The following ACOXL variants were observed in gnomAD, a reference collection of about 807,000 sequenced individuals.
ACOXL encodes acyl-CoA oxidase like.
In ACOXL, 70 loss-of-function variants were observed where a neutral mutation model predicts 71.9. The ratio of observed to expected loss-of-function variants is 0.97; its 90% confidence interval spans 0.80 to 1.19. The LOEUF (loss-of-function observed/expected upper bound fraction) is 1.19. ACOXL is among the 50% of genes most tolerant of loss of function. ACOXL has a pLI of 0.00. For synonymous variants in ACOXL, 253 were observed against 281.6 expected (o/e 0.90, Z 1.02); for missense variants, 703 against 736.3 (o/e 0.95, Z 0.52).
intron 1 of ACOXL, among the ~76,000 whole-genome samples, chr2:110,767,082 T>C (rs1168570775): frequency 6.6e-6 from 1 of 152,172 alleles, no homozygotes; most frequent in African/African-American, 2.4e-5. Flanking sequence ...CTGATGTTTT[T>C]CTGTTGTTGG....
At chr2:110,924,905 A>C in intron 11 of ACOXL, among the ~76,000 whole-genome samples, 1 of 152,156 alleles carries the variant, frequency 6.6e-6, no homozygotes, top group African/African-American at 2.4e-5. Flanking sequence ...TTTAATAAAT[A>C]ATAAGACTTG....
At position 110,963,570 on chromosome 2, in the gene ACOXL, TG is replaced by T. The variant is rs1167485135; in HGVS notation, c.1060-23537del. ...GATGGGATCGCAAATTTGAAATGTG[TG>T]TGTGTGTGTGTGTGTGTGTGTGTGT... On this transcript the variant is annotated intron_variant, in intron 12 of 17. Transcript: ENST00000439055. 1.7e-4 allele frequency: 60 copies of T among 351,608 alleles called. No homozygotes were observed. In the African/African-American group the frequency reaches 2.8e-3, roughly 16 times the overall value. The allele number at this position is 351,608 out of a possible 1,614,324, so 21.8% of individuals were successfully genotyped here.
intron 16 of ACOXL, among the ~76,000 whole-genome samples, chr2:111,066,428 C>T (rs2067075905): frequency 6.6e-6 from 1 of 152,124 alleles, no homozygotes; most frequent in Non-Finnish European, 1.5e-5. Context: ...AAAAGGGCAA[C>T]ATAAGGGACC....
At chr2:110,812,776 C>T (rs113672913) in intron 9 of ACOXL, among the ~76,000 whole-genome samples, 2 of 152,368 alleles carry the variant, frequency 1.3e-5, no homozygotes, top group South Asian at 2.1e-4. Context: ...TTCGATTCCA[C>T]GAAGACGTGT....
At chr2:110,862,141 T>G (rs1421002262) in intron 10 of ACOXL, among the ~76,000 whole-genome samples, 2 of 152,034 alleles carry the variant, frequency 1.3e-5, no homozygotes, top group Non-Finnish European at 2.9e-5. Context: ...ACCTGCTCAC[T>G]GGGCCACTTC....
rs938940032 is a variant in ACOXL, at chr2:110,995,358, G to T, written c.1170-535G>T. On this transcript the variant is annotated intron_variant, in intron 13 of 17. Coordinates refer to ENST00000439055, the MANE Select transcript of ACOXL (RefSeq NM_001142807.4). ...CTACTAAAAATACAAAAATTAGCCA[G>T]GCACAGTGGCATGTGCCTGTAATCC... Among the ~76,000 whole-genome samples, 12 of 151,442 alleles carry T rather than the reference G, an allele frequency of 7.9e-5. No homozygotes were observed. The Middle Eastern group carries it at 0.017, about 218-fold the overall frequency.
intron 2 of ACOXL, among the ~76,000 whole-genome samples, chr2:110,778,258 A>T (rs1265349007): frequency 6.6e-6 from 1 of 152,226 alleles, no homozygotes; most frequent in Non-Finnish European, 1.5e-5. Context: ...CTATAAAAAG[A>T]TGCACAAACC....
At chr2:110,753,422 C>T (rs1321803895) in intron 1 of ACOXL, among the ~76,000 whole-genome samples, 4 of 152,182 alleles carry the variant, frequency 2.6e-5, no homozygotes, top group Non-Finnish European at 5.9e-5. Flanking sequence ...AGTTCCTCTC[C>T]AGGTGGACTA....
intron 2 of ACOXL, among the ~76,000 whole-genome samples, chr2:110,769,144 TATCCAA>T (rs781325399): frequency 2.0e-5 from 3 of 152,078 alleles, no homozygotes; most frequent in Non-Finnish European, 2.9e-5. Flanking sequence ...ACTTTAGACT[TATCCAA>T]AGTTTATGTC....
intron 12 of ACOXL, among the ~76,000 whole-genome samples, chr2:110,943,992 A>C (rs1238383975): frequency 6.6e-6 from 1 of 152,174 alleles, no homozygotes; most frequent in Non-Finnish European, 1.5e-5. Flanking sequence ...AGAAAGATTA[A>C]ATAATTTGCC....
At chr2:110,942,636 A>T (rs1182579517) in intron 12 of ACOXL, among the ~76,000 whole-genome samples, 1 of 152,032 alleles carries the variant, frequency 6.6e-6, no homozygotes, top group Non-Finnish European at 1.5e-5. Context: ...CTGTAATCCC[A>T]GCACTTTGGG....
chr2:110,931,659 A>G (rs2060483786), intron 11 of ACOXL, among the ~76,000 whole-genome samples: 1 of 152,342 alleles, frequency 6.6e-6, no homozygotes, highest in South Asian at 2.1e-4. Context: ...AGTTTTCCCA[A>G]CAACTCTATG....
intron 1 of ACOXL, among the ~76,000 whole-genome samples, chr2:110,739,195 C>T (rs993837643): frequency 1.2e-4 from 19 of 152,186 alleles, no homozygotes; most frequent in African/African-American, 4.3e-4. Context: ...AGGCTGGTTG[C>T]AAATGGCGGG....
At position 111,084,258 on chromosome 2, in the gene ACOXL, TACACACACACACACACACACACAC is replaced by T. The variant is rs61263209; in HGVS notation, c.1441-8579_1441-8556del. On this transcript the variant is annotated intron_variant, in intron 16 of 17. Transcript: ENST00000439055. ...GTCTTACGGACACAGATCTAAGGAA[TACACACACACACACACACACACAC>T]ACACACACACACACACACACACACA... 5.9e-5 allele frequency among the ~76,000 whole-genome samples: 8 copies of T among 135,014 alleles called. No homozygotes were observed. The South Asian group carries it at 8.0e-4, about 14-fold the overall frequency. 88.6% of individuals were successfully genotyped at this position (135,014 alleles called of 152,430 possible).
At chr2:111,011,929 A>G (rs2064188096) in intron 14 of ACOXL, among the ~76,000 whole-genome samples, 1 of 151,762 alleles carries the variant, frequency 6.6e-6, no homozygotes. Flanking sequence ...AGGGATAAAG[A>G]AAGTCATTTT....
At chr2:111,117,425 T>C (rs2150099399) in intron 17 of ACOXL, among the ~76,000 whole-genome samples, 191 bp from the exon 18 acceptor site, 1 of 152,168 alleles carries the variant, frequency 6.6e-6, no homozygotes, top group South Asian at 2.1e-4. Context: ...GGTGTCAGAG[T>C]TGGGAATGTC....
chr2:110,896,064 T>G (rs62159501), intron 10 of ACOXL, among the ~76,000 whole-genome samples: 47,359 of 151,938 alleles, frequency 0.31, 7,736 homozygotes, highest in Middle Eastern at 0.38. Context: ...GGTTCTAAAT[T>G]AATAGAAGAA....
chr2:111,102,461 C>T (rs1053929993), intron 17 of ACOXL, among the ~76,000 whole-genome samples: 8 of 152,292 alleles, frequency 5.3e-5, no homozygotes, highest in Admixed American at 4.6e-4. Context: ...AATTGTTTTG[C>T]TGAGCTCCAG....
chr2:110,784,729 C>T lies in ACOXL; in HGVS notation c.76-3C>T. 6.3e-7 allele frequency: 1 copy of T among 1,596,866 alleles called. No individual in the cohort carries two copies. The highest frequency in any genetic ancestry group is 8.5e-7 in the Non-Finnish European group (1 of 1,173,104). On this transcript the variant is annotated splice_polypyrimidine_tract_variant and splice_region_variant and intron_variant, in intron 2 of 17. Transcript: ENST00000439055. ...CTTGATACTGAGTCTATCATATTTT[C>T]AGGCAGAGAAAACAAAGAATTTTGT...
Sources: gnomAD v4.1 joint callset for allele counts (sites outside exome capture counted in the v4.1 genomes callset) on GRCh38, gnomAD v4.1.1 for gene constraint, MANE v1.5 for transcripts, NCBI Gene and HGNC (gene_info 2026-07-23, HGNC 2026-07-21) for gene names.